NEMP2: variants seen among roughly 807,000 people sequenced by gnomAD.
The protein encoded by NEMP2 is nuclear envelope integral membrane protein 2.
NEMP2 carries 53 observed loss-of-function variants against 54.2 expected under a neutral mutation model. The ratio of observed to expected loss-of-function variants is 0.98; its 90% CI spans 0.78 to 1.23. NEMP2 has a LOEUF of 1.23. Ranked by LOEUF, NEMP2 falls within the 50% of genes most tolerant of loss-of-function variation. NEMP2 has a pLI of 0.00. For synonymous variants in NEMP2, 197 were observed against 190.3 expected, an observed-to-expected ratio of 1.04 and a Z score of -0.29; for missense variants, 455 against 511.3, an observed-to-expected ratio of 0.89 and a Z score of 1.06.
At chr2:190,583,387 ACTCTGAG>A in the NEMP2 span, among the ~76,000 whole-genome samples, 3 of 152,096 alleles carry the variant, frequency 2.0e-5, no homozygotes, top group Non-Finnish European at 4.4e-5. Flanking sequence ...AGCCAGGGTG[ACTCTGAG>A]TGGCTAACAT....
rs142561184 is a variant in NEMP2 at position 190,518,607 on chromosome 2, C to T, written c.518+129G>A. On this transcript the variant is annotated intron_variant, in intron 4 of 8. Transcript: ENST00000409150. ...AGGCCTTTCCAATACCATCTTCAGA[C>T]CTATTGTTTGCAAAACCTAAAGTAA... 52 of 700,964 alleles carry T rather than the reference C, an allele frequency of 7.4e-5. No individual in the cohort carries two copies. In the East Asian group the frequency reaches 1.2e-3, roughly 16 times the overall value. The allele number at this position is 700,964 out of a possible 1,614,324, so 43.4% of individuals were successfully genotyped here.
chr2:190,558,972 A>G, the NEMP2 span, among the ~76,000 whole-genome samples: 8 of 152,314 alleles, frequency 5.3e-5, no homozygotes, highest in Admixed American at 5.2e-4. The surrounding 1 kb of genome is among the most constrained non-coding windows in gnomAD (Gnocchi z 4.4). Context: ...ATTTTAATCT[A>G]TTTCATCTAG....
At chr2:190,460,738 C>A in the NEMP2 span, among the ~76,000 whole-genome samples, 9 of 152,276 alleles carry the variant, frequency 5.9e-5, no homozygotes, top group African/African-American at 1.9e-4. Context: ...TGGGTGAGAG[C>A]TGAAGAATAT....
At chr2:190,471,929 C>T in the NEMP2 span, among the ~76,000 whole-genome samples, 1 of 152,208 alleles carries the variant, frequency 6.6e-6, no homozygotes, top group Non-Finnish European at 1.5e-5. The surrounding 1 kb of genome is among the most constrained non-coding windows in gnomAD (Gnocchi z 4.7). Context: ...ATTTGCTGTT[C>T]ACCAATATCC....
chr2:190,429,999 T>TCC, the NEMP2 span, among the ~76,000 whole-genome samples: 2 of 141,540 alleles, frequency 1.4e-5, no homozygotes, highest in Admixed American at 7.3e-5. Flanking sequence ...CTCCCCCAGC[T>TCC]CCCCACCCCC....
chr2:190,576,557 T>G, the NEMP2 span, among the ~76,000 whole-genome samples: 1 of 150,344 alleles, frequency 6.7e-6, no homozygotes, highest in East Asian at 2.0e-4. Context: ...TGTATCTTAA[T>G]GTATCCCTGA....
At chr2:190,462,191 C>A in the NEMP2 span, among the ~76,000 whole-genome samples, 1 of 152,070 alleles carries the variant, frequency 6.6e-6, no homozygotes, top group African/African-American at 2.4e-5. This position sits in a 1 kb window ranked among gnomAD's most constrained non-coding sequence, Gnocchi z 5.7. Flanking sequence ...ATTGAGTACA[C>A]ATACAGACAT....
At chr2:190,586,250 C>T in the NEMP2 span, among the ~76,000 whole-genome samples, 1 of 152,142 alleles carries the variant, frequency 6.6e-6, no homozygotes, top group African/African-American at 2.4e-5. The surrounding 1 kb of genome is among the most constrained non-coding windows in gnomAD (Gnocchi z 4.5). Flanking sequence ...TTTAGATTCA[C>T]TCACCCAGCA....
chr2:190,450,945 T>TC, the NEMP2 span, among the ~76,000 whole-genome samples: 11 of 152,184 alleles, frequency 7.2e-5, no homozygotes, highest in Admixed American at 7.2e-4. Flanking sequence ...CAGTGAGGAA[T>TC]CCTCAGTGAT....
At chr2:190,542,651 A>C in the NEMP2 span, among the ~76,000 whole-genome samples, 1 of 151,954 alleles carries the variant, frequency 6.6e-6, no homozygotes. The surrounding 1 kb of genome is among the most constrained non-coding windows in gnomAD (Gnocchi z 4.6). Flanking sequence ...CCTCTGCTGA[A>C]TCTATTCTGC....
At chr2:190,495,200 C>A in the NEMP2 span, among the ~76,000 whole-genome samples, 5 of 99,298 alleles carry the variant, frequency 5.0e-5, no homozygotes, top group African/African-American at 1.5e-4. This position sits in a 1 kb window ranked among gnomAD's most constrained non-coding sequence, Gnocchi z 4.7. Flanking sequence ...CTGCTGTACA[C>A]CAACAGTGAC....
the NEMP2 span, among the ~76,000 whole-genome samples, chr2:190,571,737 A>G: frequency 6.6e-6 from 1 of 152,168 alleles, no homozygotes; most frequent in Non-Finnish European, 1.5e-5. Flanking sequence ...CCATAGTAGC[A>G]TTATGAAAGG....
At chr2:190,452,957 A>G in the NEMP2 span, among the ~76,000 whole-genome samples, 1 of 152,218 alleles carries the variant, frequency 6.6e-6, no homozygotes, top group African/African-American at 2.4e-5. Context: ...GTGCTCATTC[A>G]ATATTTCTTT....
chr2:190,621,353 T>C, the NEMP2 span, among the ~76,000 whole-genome samples: 2 of 152,210 alleles, frequency 1.3e-5, no homozygotes, highest in African/African-American at 4.8e-5. Flanking sequence ...TAAACATTTG[T>C]GCGTCTCAAC....
At chr2:190,532,806 C>T (rs1476114833) in intron 1 of NEMP2, among the ~76,000 whole-genome samples, 2 of 152,230 alleles carry the variant, frequency 1.3e-5, no homozygotes, top group Non-Finnish European at 2.9e-5. Context: ...TAATCCAGGG[C>T]TGCCAACAGT....
intron 1 of NEMP2, chr2:190,534,031 G>A: frequency 1.0e-6 from 1 of 974,014 alleles, no homozygotes; most frequent in Non-Finnish European, 1.2e-6. Context: ...ACGTGGGACC[G>A]TTATGTTTAC....
At chr2:190,424,332 GTTAT>G in the NEMP2 span, among the ~76,000 whole-genome samples, 62 of 151,052 alleles carry the variant, frequency 4.1e-4, no homozygotes, top group African/African-American at 1.4e-3. The surrounding 1 kb of genome is among the most constrained non-coding windows in gnomAD (Gnocchi z 5.9). Flanking sequence ...TTAGTTTGAG[GTTAT>G]TTATTTATTT....
the NEMP2 span, among the ~76,000 whole-genome samples, chr2:190,577,288 C>G: frequency 6.6e-6 from 1 of 152,140 alleles, no homozygotes; most frequent in Admixed American, 6.5e-5. The surrounding 1 kb of genome is among the most constrained non-coding windows in gnomAD (Gnocchi z 4.8). Flanking sequence ...CTGTTTCTGG[C>G]TATTCACATT....
chr2:190,605,933 A>G, the NEMP2 span, among the ~76,000 whole-genome samples: 45 of 152,304 alleles, frequency 3.0e-4, 1 homozygote, highest in East Asian at 7.1e-3. Context: ...AGAACTCCTT[A>G]TGGGCAAAGA....
Sources: gnomAD v4.1 joint callset for allele counts (sites outside exome capture counted in the v4.1 genomes callset) on GRCh38, gnomAD v4.1.1 for gene constraint, Gnocchi (gnomAD v3.1) non-coding constraint, MANE v1.5 for transcripts, NCBI Gene and HGNC (gene_info 2026-07-23, HGNC 2026-07-21) for gene names.